FCF1: variants seen among roughly 807,000 people sequenced by gnomAD.
The protein encoded by FCF1 is rRNA-processing protein FCF1 homolog.
In FCF1, 17 loss-of-function variants were observed where a neutral mutation model predicts 32.5. The ratio of observed to expected loss-of-function variants is 0.52; its 90% CI spans 0.36 to 0.78. The LOEUF is 0.78. FCF1 is among the 30% of genes least tolerant of loss of function. The probability of loss-of-function intolerance (pLI) is 0.00; values close to 1 mark genes in which losing one functional copy is unlikely to be tolerated. For missense variants in FCF1, 201 were observed against 241.1 expected (o/e 0.83, Z 1.10); for synonymous variants, 84 against 78.4 (o/e 1.07, Z -0.38).
intron 7 of FCF1, among the ~76,000 whole-genome samples, chr14:74,734,566 C>T (rs1323924221): frequency 6.7e-6 from 1 of 150,222 alleles, no homozygotes; most frequent in Non-Finnish European, 1.5e-5. Flanking sequence ...TTTGTCAGTA[C>T]TCAGACTTAT....
At chr14:74,721,007 A>G (rs1057072470) in intron 4 of FCF1, among the ~76,000 whole-genome samples, 9 of 148,240 alleles carry the variant, frequency 6.1e-5, no homozygotes, top group Non-Finnish European at 1.0e-4. Context: ...GCCTCCCAGT[A>G]GCCGGGATTG....
intron 5 of FCF1, among the ~76,000 whole-genome samples, chr14:74,730,409 T>TA (rs1052099812): frequency 7.3e-5 from 11 of 151,610 alleles, no homozygotes; most frequent in African/African-American, 2.2e-4. Flanking sequence ...TGGCTAATTT[T>TA]AAAAAAAAAT....
At chr14:74,717,975 A>G (rs1473943064) in intron 4 of FCF1, among the ~76,000 whole-genome samples, 2 of 152,124 alleles carry the variant, frequency 1.3e-5, no homozygotes, top group East Asian at 3.9e-4. Flanking sequence ...CCCAGGTTCA[A>G]GCAGTTCTTC....
At chr14:74,730,769 G>A (rs1386334703) in intron 5 of FCF1, among the ~76,000 whole-genome samples, 1 of 152,118 alleles carries the variant, frequency 6.6e-6, no homozygotes, top group Non-Finnish European at 1.5e-5. Context: ...GGAGGCTGAG[G>A]TAGGCAGATC....
chr14:74,732,701 G>A, intron 5 of FCF1, 30 bp from the exon 6 acceptor site: 1 of 1,425,766 alleles, frequency 7.0e-7, no homozygotes. Flanking sequence ...TTATCCAGCT[G>A]ATTGAATGTT....
chr14:74,715,254 C>A (rs1310780468), intron 3 of FCF1, among the ~76,000 whole-genome samples: 1 of 151,824 alleles, frequency 6.6e-6, no homozygotes, highest in African/African-American at 2.4e-5. Context: ...GAGACTGTAT[C>A]ACCAAAAAAT....
intron 5 of FCF1, among the ~76,000 whole-genome samples, chr14:74,727,689 A>G (rs901416891): frequency 1.3e-5 from 2 of 152,140 alleles, no homozygotes; most frequent in East Asian, 1.9e-4. Flanking sequence ...GCCCATGCCT[A>G]TGTCCTGAAT....
chr14:74,721,670 G>A (rs2090505643), intron 4 of FCF1, among the ~76,000 whole-genome samples: 1 of 152,004 alleles, frequency 6.6e-6, no homozygotes, highest in South Asian at 2.1e-4. Flanking sequence ...GGGCAACAAA[G>A]TGAGACTTCA....
intron 4 of FCF1, among the ~76,000 whole-genome samples, chr14:74,720,875 G>GT (rs1259312948): frequency 1.5e-4 from 21 of 139,216 alleles, no homozygotes; most frequent in African/African-American, 5.5e-4. Flanking sequence ...AGTTTTTGGG[G>GT]TTTGTTTTTT....
At chr14:74,716,928 G>T (rs1039726583) in intron 4 of FCF1, among the ~76,000 whole-genome samples, 1 of 152,214 alleles carries the variant, frequency 6.6e-6, no homozygotes, top group Non-Finnish European at 1.5e-5. Flanking sequence ...GATAGAAATG[G>T]TAAATGTTGT....
chr14:74,719,849 G>C (rs2090476839), intron 4 of FCF1, among the ~76,000 whole-genome samples: 2 of 151,954 alleles, frequency 1.3e-5, no homozygotes, highest in Non-Finnish European at 2.9e-5. Context: ...GTGAGATGGA[G>C]GGTTACTTTT....
chr14:74,720,263 C>T (rs952404935), intron 4 of FCF1, among the ~76,000 whole-genome samples: 1 of 152,172 alleles, frequency 6.6e-6, no homozygotes, highest in African/African-American at 2.4e-5. Flanking sequence ...CTAGTGGATT[C>T]ACAGAGTTGT....
At position 74,732,792 on chromosome 14, in the gene FCF1, G is replaced by T; in HGVS notation, c.427G>T (p.Asp143Tyr). 3 of 1,610,192 alleles carry T rather than the reference G, an allele frequency of 1.9e-6. No homozygotes were observed. Among genetic ancestry groups the T allele is most frequent in the Non-Finnish European group, 2.5e-6 (3 of 1,176,822 alleles). The part of the protein sequence containing the change: ...PCTHKGTYAD[D>Y]CLVQRVTQHK... ...TACACACAAAGGAACCTATGCAGAT[G>T]ACTGCTTAGTACAGAGAGTAACTCA... The change falls in exon 6 of 8, where the codon GAC (aspartate) becomes TAC (tyrosine). Residue 143 changes from aspartate to tyrosine, a missense_variant. Physicochemically the swap from Asp to Tyr is radical, Grantham distance 160. Transcript: ENST00000341162.
intron 5 of FCF1, among the ~76,000 whole-genome samples, chr14:74,731,573 A>G (rs1249884746): frequency 3.3e-5 from 5 of 152,132 alleles, no homozygotes; most frequent in Non-Finnish European, 7.3e-5. Flanking sequence ...GACTCTTTCT[A>G]GCCCCATTTC....
chr14:74,728,771 G>A (rs1270053688), intron 5 of FCF1, among the ~76,000 whole-genome samples: 4 of 152,118 alleles, frequency 2.6e-5, no homozygotes, highest in South Asian at 2.1e-4. Context: ...TTTGAAATAC[G>A]TCCCATCAAT....
intron 5 of FCF1, among the ~76,000 whole-genome samples, chr14:74,730,677 G>A (rs1055604064): frequency 1.3e-5 from 2 of 152,166 alleles, no homozygotes; most frequent in African/African-American, 4.8e-5. Context: ...TCATGCCACT[G>A]CATCCAGCCT....
chr14:74,728,840 T>G (rs563604024), intron 5 of FCF1, among the ~76,000 whole-genome samples: 219 of 152,340 alleles, frequency 1.4e-3, no homozygotes, highest in Non-Finnish European at 2.8e-3. Context: ...AAAGGCCTTT[T>G]CTGCATCTAT....
chr14:74,718,367 G>A (rs865847806), intron 4 of FCF1, among the ~76,000 whole-genome samples: 11 of 152,190 alleles, frequency 7.2e-5, no homozygotes, highest in Middle Eastern at 3.4e-3. Context: ...GTTTTCCTGA[G>A]CCTGCTTCCC....
Position 74,734,890 on chromosome 14 carries a change from T to C in FCF1, c.557T>C (p.Ile186Thr), listed in dbSNP as rs761676265. 4 of 1,613,898 alleles carry C rather than the reference T, an allele frequency of 2.5e-6. No homozygotes were observed. In the East Asian group the frequency reaches 6.7e-5, roughly 27 times the overall value. Residue 186 changes from isoleucine to threonine, a missense_variant, in exon 8 of 8, where the codon ATT becomes ACT. This residue lies in a region of FCF1 where 121 missense variants were observed against 147.8 expected (regional missense o/e 0.82). Coordinates refer to ENST00000341162, the MANE Select transcript of FCF1 (RefSeq NM_015962.5). ...TTTTTTGTCCTGATCAGATACAACA[T>C]TGAACGGATGCCAGATGATTATGGA... is the stretch of plus-strand genomic sequence containing the variant. ...IMYISNHRYNIERMPDDYGAP... is the reference protein window; with the variant it reads ...IMYISNHRYNTERMPDDYGAP...
Sources: allele counts gnomAD v4.1 joint callset (sites outside exome capture counted in the v4.1 genomes callset), GRCh38; gene constraint gnomAD v4.1.1; regional missense constraint gnomAD v4.1.1; transcripts MANE v1.5; gene names NCBI Gene and HGNC (gene_info 2026-07-23, HGNC 2026-07-21).